LGSN: variants seen among roughly 807,000 people sequenced by gnomAD.
LGSN encodes the protein lengsin, lens protein with glutamine synthetase domain, also known as lengsin.
A neutral mutation model predicts 19.5 loss-of-function variants in LGSN; 21 were observed. The observed-to-expected ratio is 1.07, with a 90% CI of 0.76 to 1.55. LGSN has a LOEUF of 1.55. Ranked by LOEUF, LGSN falls within the 40% of genes most tolerant of loss-of-function variation. LGSN has a pLI of 0.00. For missense variants in LGSN, 673 were observed against 608.5 expected, an observed-to-expected ratio of 1.11 and a Z score of -1.12; for synonymous variants, 257 against 215.6, an observed-to-expected ratio of 1.19 and a Z score of -1.68.
the LGSN span, among the ~76,000 whole-genome samples, chr6:63,506,378 C>T: frequency 8.6e-5 from 13 of 152,032 alleles, no homozygotes; most frequent in African/African-American, 2.7e-4. Context: ...ATTCTCCTGC[C>T]TCAGCCTCCC....
chr6:63,372,469 A>G, the LGSN span, among the ~76,000 whole-genome samples: 46 of 152,220 alleles, frequency 3.0e-4, no homozygotes, highest in African/African-American at 1.1e-3. Flanking sequence ...CTGTGTCCCT[A>G]TGTGTGGAGG....
At chr6:63,420,197 C>A in the LGSN span, among the ~76,000 whole-genome samples, 1 of 148,548 alleles carries the variant, frequency 6.7e-6, no homozygotes, top group Admixed American at 6.7e-5. Context: ...ACCGAGACTG[C>A]GTCTCAAAAA....
chr6:63,416,006 T>A, the LGSN span, among the ~76,000 whole-genome samples: 1 of 152,178 alleles, frequency 6.6e-6, no homozygotes, highest in Non-Finnish European at 1.5e-5. Context: ...CAAAAGGTCC[T>A]TATTCCCTGT....
At chr6:63,457,303 G>A in the LGSN span, among the ~76,000 whole-genome samples, 1 of 151,852 alleles carries the variant, frequency 6.6e-6, no homozygotes, top group Non-Finnish European at 1.5e-5. Context: ...TCAGGAGTTC[G>A]AGACCAGCCT....
the LGSN span, among the ~76,000 whole-genome samples, chr6:63,478,864 C>T: frequency 6.6e-6 from 1 of 152,146 alleles, no homozygotes; most frequent in Non-Finnish European, 1.5e-5. Flanking sequence ...TTAATTTTTC[C>T]TCTCTCAGCT....
the LGSN span, among the ~76,000 whole-genome samples, chr6:63,560,754 C>CA: frequency 2.6e-5 from 4 of 152,106 alleles, no homozygotes; most frequent in African/African-American, 9.7e-5. Context: ...GTTACCCTGT[C>CA]AAATCGCTGT....
chr6:63,446,265 C>T, the LGSN span, among the ~76,000 whole-genome samples: 1 of 89,312 alleles, frequency 1.1e-5, no homozygotes, highest in East Asian at 3.3e-4. Flanking sequence ...AAAAAAAAAA[C>T]GAACAGTGTA....
At chr6:63,544,245 A>T in the LGSN span, among the ~76,000 whole-genome samples, 1 of 152,208 alleles carries the variant, frequency 6.6e-6, no homozygotes, top group Non-Finnish European at 1.5e-5. Flanking sequence ...AGAAAAATAT[A>T]AAGAATTCCT....
At chr6:63,312,881 A>G (rs1417600028) in intron 1 of LGSN, among the ~76,000 whole-genome samples, 1 of 152,112 alleles carries the variant, frequency 6.6e-6, no homozygotes, top group African/African-American at 2.4e-5. Flanking sequence ...TGACAACCAC[A>G]TTTCTGACTA....
the LGSN span, among the ~76,000 whole-genome samples, chr6:63,346,796 C>T: frequency 1.3e-5 from 2 of 152,050 alleles, no homozygotes; most frequent in South Asian, 4.2e-4. Flanking sequence ...TCGAGCTCAC[C>T]CCACCATCCT....
the LGSN span, among the ~76,000 whole-genome samples, chr6:63,484,401 A>G: frequency 6.6e-6 from 1 of 151,830 alleles, no homozygotes; most frequent in African/African-American, 2.4e-5. Context: ...ACACACATCT[A>G]TAGTCCCAGC....
At chr6:63,366,881 A>G in the LGSN span, among the ~76,000 whole-genome samples, 1 of 150,720 alleles carries the variant, frequency 6.6e-6, no homozygotes, top group Non-Finnish European at 1.5e-5. Flanking sequence ...AGAACTGGCT[A>G]GCCATATGTA....
At chr6:63,487,136 G>GT in the LGSN span, among the ~76,000 whole-genome samples, 2 of 151,862 alleles carry the variant, frequency 1.3e-5, no homozygotes, top group African/African-American at 4.8e-5. Flanking sequence ...TGCCTGGCCT[G>GT]TTTTTGTATT....
chr6:63,460,626 T>A, the LGSN span, among the ~76,000 whole-genome samples: 3 of 152,180 alleles, frequency 2.0e-5, no homozygotes, highest in African/African-American at 7.2e-5. Flanking sequence ...AGGAATTTTC[T>A]TAGTTCCTTC....
the LGSN span, chr6:63,481,714 C>G: frequency 3.9e-5 from 7 of 180,650 alleles, no homozygotes; most frequent in South Asian, 1.1e-4. Context: ...TCAAGCAGTC[C>G]GCTTAGTCTG....
the LGSN span, among the ~76,000 whole-genome samples, chr6:63,365,848 T>C: frequency 3.5e-4 from 54 of 152,326 alleles, no homozygotes; most frequent in Non-Finnish European, 6.6e-4. Flanking sequence ...TACATGATTA[T>C]CTCAATAGCT....
At chr6:63,564,433 A>G in the LGSN span, among the ~76,000 whole-genome samples, 3 of 152,228 alleles carry the variant, frequency 2.0e-5, no homozygotes, top group African/African-American at 7.2e-5. Flanking sequence ...AGGATAAGAA[A>G]AAAGCATGAC....
In LGSN at chr6:63,278,883, T is replaced by C. The variant is rs2127379254; in HGVS notation, c.*1138A>G. ...AATTCTAATCCTCTGCTTGTGCAAT[T>C]GCTATCTAAATTGAGACTACAGTCA... On this transcript the variant is annotated 3_prime_UTR_variant, in exon 4 of 4. Coordinates refer to ENST00000370657, the MANE Select transcript of LGSN (RefSeq NM_016571.3). 6.6e-6 allele frequency: 1 copy of C among 152,332 alleles called. No individual in the cohort carries two copies. Among genetic ancestry groups the C allele is most frequent in the South Asian group, 2.1e-4 (1 of 4,830 alleles). The allele number at this position is 152,332 out of a possible 1,614,324, so 9.4% of individuals were successfully genotyped here.
intron 1 of LGSN, among the ~76,000 whole-genome samples, chr6:63,317,570 A>G (rs920399550): frequency 2.6e-5 from 4 of 152,194 alleles, no homozygotes; most frequent in Non-Finnish European, 5.9e-5. Flanking sequence ...TTCAGAAGAC[A>G]AATCTTCTGA....
Sources: allele counts gnomAD v4.1 joint callset (sites outside exome capture counted in the v4.1 genomes callset), GRCh38; gene constraint gnomAD v4.1.1; transcripts MANE v1.5; gene names NCBI Gene and HGNC (gene_info 2026-07-23, HGNC 2026-07-21).